The following WDR33 variants were observed in gnomAD, a reference collection of about 807,000 sequenced individuals.
WDR33 encodes pre-mRNA 3' end processing protein WDR33.
Under a neutral mutation model 164.9 loss-of-function variants are expected in WDR33, and 47 were observed. The observed-to-expected ratio is 0.29, with a 90% CI of 0.23 to 0.36. The LOEUF (loss-of-function observed/expected upper bound fraction) is 0.36. Ranked by LOEUF, WDR33 falls within the 10% of genes least tolerant of loss-of-function variation. WDR33 has a pLI of 1.00. For missense variants in WDR33, 1,137 were observed against 1,754.1 expected (o/e 0.65, Z 6.28); for synonymous variants, 505 against 589.0 (o/e 0.86, Z 2.06).
intron 1 of WDR33, among the ~76,000 whole-genome samples, chr2:127,779,753 A>C (rs973913116): frequency 2.0e-5 from 3 of 152,162 alleles, no homozygotes; most frequent in African/African-American, 7.2e-5. Context: ...TCCAGTATGA[A>C]TACTGTGGCT....
Position 127,719,612 on chromosome 2 carries a change from G to A in WDR33, c.2413C>T (p.His805Tyr), listed in dbSNP as rs1456305061. 6.2e-7 allele frequency: 1 copy of A among 1,613,854 alleles called. No homozygotes were observed. Among genetic ancestry groups the A allele is most frequent in the Admixed American group, 1.7e-5 (1 of 59,994 alleles). ...GPAPQGMIMG[H>Y]PPQEMRGPHP... ...GGTCCTCTCATCTCTTGAGGCGGGT[G>A]GCCCATAATCATCCCTTGGGGAGCA... The change falls in exon 16 of 22, where the codon CAC becomes TAC. Residue 805 changes from histidine to tyrosine, a missense_variant. His to Tyr is a moderately conservative substitution (Grantham distance 83, BLOSUM62 2). Transcript: ENST00000322313. This position sits in a 1 kb window ranked among gnomAD's most constrained non-coding sequence, Gnocchi z 6.5.
In WDR33 at chr2:127,781,916, T is replaced by C. The variant is rs570736353; in HGVS notation, c.-23-10912A>G. The stretch of plus-strand genomic sequence containing the variant: ...GGGAGGCTGAGGCAGGAGAATTGCC[T>C]GAACCCGGGAGGTGGAGGTTGCGGT... On this transcript the variant is annotated intron_variant, in intron 1 of 21. Coordinates refer to ENST00000322313, the MANE Select transcript of WDR33 (RefSeq NM_018383.5). Among the ~76,000 whole-genome samples the C allele has an allele frequency of 1.6e-3, 235 of 148,930 alleles. 2 individuals are homozygous for C. The highest frequency in any genetic ancestry group is 2.4e-3 in the Non-Finnish European group (163 of 67,756).
chr2:127,768,791 G>A (rs961831489), intron 3 of WDR33, 142 bp downstream of exon 3: 5 of 516,858 alleles, frequency 9.7e-6, no homozygotes, highest in Admixed American at 3.2e-5. Flanking sequence ...ACACAGATGT[G>A]TTATATTATC....
At chr2:127,786,397 T>C (rs1177293088) in intron 1 of WDR33, among the ~76,000 whole-genome samples, 1 of 152,246 alleles carries the variant, frequency 6.6e-6, no homozygotes, top group Non-Finnish European at 1.5e-5. Flanking sequence ...AAATACAATA[T>C]TTTGGCAGGA....
intron 1 of WDR33, among the ~76,000 whole-genome samples, chr2:127,771,273 T>TA (rs1687993273): frequency 6.6e-6 from 1 of 152,208 alleles, no homozygotes; most frequent in South Asian, 2.1e-4. Flanking sequence ...ACACGTAGGC[T>TA]ACACGGTACA....
At chr2:127,810,132 T>C (rs747628953) in intron 1 of WDR33, among the ~76,000 whole-genome samples, 19 of 152,216 alleles carry the variant, frequency 1.2e-4, no homozygotes, top group Non-Finnish European at 2.4e-4. Context: ...AAGTAAAGTC[T>C]ACGCTCCCCA....
intron 1 of WDR33, among the ~76,000 whole-genome samples, chr2:127,809,403 A>T (rs141443470): frequency 6.8e-6 from 1 of 147,512 alleles, no homozygotes. Flanking sequence ...TGTCTAAACC[A>T]TTGTAATATA....
At position 127,726,555 on chromosome 2, in the gene WDR33, C is replaced by T. The variant is rs557465464; in HGVS notation, c.851+96G>A. The T allele has an allele frequency of 4.7e-6, 7 of 1,499,510 alleles. No homozygotes were observed. In the East Asian group the frequency reaches 6.9e-5, roughly 15 times the overall value. 92.9% of individuals were successfully genotyped at this position (1,499,510 alleles called of 1,614,324 possible). ...TCCATCTGTTGCCTAAATGACTCTT[C>T]CAGAAATACATAAGAGAAAACAAAG... On this transcript the variant is annotated intron_variant, in intron 8 of 21. Transcript: ENST00000322313. The surrounding 1 kb of genome is among the most constrained non-coding windows in gnomAD (Gnocchi z 4.8).
chr2:127,720,044 G>A lies in WDR33; in HGVS notation c.1981C>T (p.Pro661Ser), dbSNP rs760289151. 6.2e-7 allele frequency: 1 copy of A among 1,613,782 alleles called. No homozygotes were observed. The highest frequency in any genetic ancestry group is 1.3e-5 in the African/African-American group (1 of 74,868). ...GFMGPQGPQG[P>S]PQGLPRPQDM... ...TGAGGCCGTGGCAACCCCTGGGGCG[G>A]GCCCTGGGGCCCCTGTGGTCCCATG... The change falls in exon 16 of 22, where the codon CCG (proline) becomes TCG (serine). Residue 661 changes from proline (P) to serine (S), a missense_variant. Pro to Ser is a moderately conservative substitution (Grantham distance 74). This residue lies in a region of WDR33 where 867 missense variants were observed against 1,073.0 expected (regional missense o/e 0.81). Coordinates refer to ENST00000322313, the MANE Select transcript of WDR33 (RefSeq NM_018383.5). This position sits in a 1 kb window ranked among gnomAD's most constrained non-coding sequence, Gnocchi z 5.9.
intron 7 of WDR33, among the ~76,000 whole-genome samples, chr2:127,751,475 C>CA (rs1365284666): frequency 6.7e-6 from 1 of 148,332 alleles, no homozygotes; most frequent in Non-Finnish European, 1.5e-5. Flanking sequence ...GGCTTAGGGC[C>CA]AGGAGTTTGA....
At chr2:127,807,299 C>A (rs1401801299) in intron 1 of WDR33, among the ~76,000 whole-genome samples, 1 of 152,166 alleles carries the variant, frequency 6.6e-6, no homozygotes, top group African/African-American at 2.4e-5. Flanking sequence ...AGCCACTGCA[C>A]CTGGCTTGAA....
chr2:127,771,278 G>A (rs982905812), intron 1 of WDR33, among the ~76,000 whole-genome samples: 7 of 152,070 alleles, frequency 4.6e-5, no homozygotes, highest in South Asian at 2.1e-4. Flanking sequence ...TAGGCTACAC[G>A]GTACAGCCTA....
chr2:127,794,963 T>C (rs1368976119), intron 1 of WDR33, among the ~76,000 whole-genome samples: 1 of 151,852 alleles, frequency 6.6e-6, no homozygotes, highest in Non-Finnish European at 1.5e-5. Flanking sequence ...GTTCAAGTCC[T>C]GAGCAACATG....
rs763281752 is a variant in WDR33, at chr2:127,764,810, GGTA to G, written c.626+15_626+17del. 1.9e-6 allele frequency: 3 copies of G among 1,614,116 alleles called. No homozygotes were observed. The South Asian group carries it at 3.3e-5, about 18-fold the overall frequency. On this transcript the variant is annotated intron_variant, in intron 6 of 21. Coordinates refer to ENST00000322313, the MANE Select transcript of WDR33 (RefSeq NM_018383.5). The surrounding 1 kb of genome is among the most constrained non-coding windows in gnomAD (Gnocchi z 6.2). ...CATGACAATAGGGACTACAGAAAAT[GGTA>G]TATTGTGTATAAACCTGGCCTCTCT...
Position 127,762,954 on chromosome 2 carries a change from T to C in WDR33, c.724+108A>G, listed in dbSNP as rs951152737. ...AAGAGCCTGAGACGGTGTGTATATG[T>C]AAAAAAAATTGAATGGAGGTGTAAG... On this transcript the variant is annotated intron_variant, in intron 7 of 21. Transcript: ENST00000322313. 1.2e-5 allele frequency: 18 copies of C among 1,544,158 alleles called. No homozygotes were observed. The Admixed American group carries it at 3.1e-4, about 26-fold the overall frequency.
chr2:127,750,745 C>CATAT (rs3991688), intron 7 of WDR33, among the ~76,000 whole-genome samples: 10 of 78,208 alleles, frequency 1.3e-4, no homozygotes, highest in African/African-American at 5.0e-4. Context: ...TGTATGCATA[C>CATAT]ATATATATGT....
In WDR33 at chr2:127,702,155, C is replaced by T; in HGVS notation, c.*4168G>A. 2 of 1,215,428 alleles carry T rather than the reference C, an allele frequency of 1.6e-6. No homozygotes were observed. Among genetic ancestry groups the T allele is most frequent in the Non-Finnish European group, 1.0e-6 (1 of 977,954 alleles). The allele number at this position is 1,215,428 out of a possible 1,614,324, so 75.3% of individuals were successfully genotyped here. A position where few individuals can be genotyped will look rare whatever the true frequency, so the allele number is the denominator to read the frequency against. ...GTCGCCTGGGCCGCGGCGCCGGCCTCGCCAAGGTGCTGCCCGTGTGAGGAC... is the reference window on the plus strand; with the variant it reads ...GTCGCCTGGGCCGCGGCGCCGGCCTTGCCAAGGTGCTGCCCGTGTGAGGAC... On this transcript the variant is annotated 3_prime_UTR_variant, in exon 22 of 22. Coordinates refer to ENST00000322313, the MANE Select transcript of WDR33 (RefSeq NM_018383.5).
chr2:127,808,727 T>TCTA (rs1008422433), intron 1 of WDR33, among the ~76,000 whole-genome samples: 2 of 152,048 alleles, frequency 1.3e-5, no homozygotes, highest in Non-Finnish European at 2.9e-5. Context: ...AAACCCCGCC[T>TCTA]CTACTAAAAA....
chr2:127,806,695 G>GA (rs199637095), intron 1 of WDR33, among the ~76,000 whole-genome samples: 6,499 of 136,352 alleles, frequency 0.048, 362 homozygotes, highest in African/African-American at 0.14. Context: ...CAACTCATTC[G>GA]AAAAAAAAAA....
Sources: gnomAD v4.1 joint callset for allele counts (sites outside exome capture counted in the v4.1 genomes callset) on GRCh38, gnomAD v4.1.1 for gene constraint, gnomAD v4.1.1 regional missense constraint, Gnocchi (gnomAD v3.1) non-coding constraint, MANE v1.5 for transcripts, NCBI Gene and HGNC (gene_info 2026-07-23, HGNC 2026-07-21) for gene names.